SERPINC1: variants seen among roughly 807,000 people sequenced by gnomAD.
The protein encoded by SERPINC1 is antithrombin-III.
A neutral mutation model predicts 43.4 loss-of-function variants in SERPINC1; 12 were observed. The ratio of observed to expected loss-of-function variants is 0.28; its 90% CI spans 0.18 to 0.45. The LOEUF is 0.45. SERPINC1 is among the 20% of genes least tolerant of loss of function. The probability of loss-of-function intolerance (pLI) is 1.00; values close to 1 mark genes in which losing one functional copy is unlikely to be tolerated. For synonymous variants in SERPINC1, 210 were observed against 218.9 expected (o/e 0.96, Z 0.36); for missense variants, 423 against 578.8 (o/e 0.73, Z 2.76).
rs1658004193 is a variant in SERPINC1, at chr1:173,916,675, C to A, written c.41+544G>T. Among the ~76,000 whole-genome samples the A allele has an allele frequency of 2.0e-5, 3 of 152,176 alleles. No individual in the cohort carries two copies. In the South Asian group the frequency reaches 6.2e-4, roughly 32 times the overall value. ...TAAAACCAAGACAGTTGTGCCACCACCCCGTTTCTAGCCTCCTGTGACAAC... is the reference window on the plus strand; with the variant it reads ...TAAAACCAAGACAGTTGTGCCACCAACCCGTTTCTAGCCTCCTGTGACAAC... On this transcript the variant is annotated intron_variant, in intron 1 of 6. Transcript: ENST00000367698.
Position 173,909,769 on chromosome 1 carries a change from G to T in SERPINC1, c.936C>A (p.Thr312=), listed in dbSNP as rs759002598. 6.2e-7 allele frequency: 1 copy of T among 1,614,244 alleles called. No homozygotes were observed. Among genetic ancestry groups the T allele is most frequent in the Non-Finnish European group, 8.5e-7 (1 of 1,180,040 alleles). The change falls in exon 5 of 7, where the codon ACC becomes ACA. Residue 312 remains threonine, a synonymous_variant. Transcript: ENST00000367698. ...CAGGCTTGGGCAAGATGAGGACCAT[G>T]GTGATGTCATCACCTTTGAAGGGCA... ...LELPFKGDDI[T]MVLILPKPEK...
intron 2 of SERPINC1, among the ~76,000 whole-genome samples, chr1:173,914,340 T>G (rs1192332939): frequency 2.6e-5 from 4 of 152,230 alleles, no homozygotes; most frequent in African/African-American, 9.6e-5. Context: ...AAACCAGGAT[T>G]TAAAAAGTAG....
intron 1 of SERPINC1, among the ~76,000 whole-genome samples, chr1:173,916,839 A>C (rs1462210417): frequency 6.6e-6 from 1 of 152,178 alleles, no homozygotes; most frequent in African/African-American, 2.4e-5. Context: ...AGTGGAAGAA[A>C]GAGCAAAAAG....
intron 5 of SERPINC1, among the ~76,000 whole-genome samples, chr1:173,908,808 C>T (rs1657641663): frequency 6.6e-6 from 1 of 152,114 alleles, no homozygotes; most frequent in Non-Finnish European, 1.5e-5. Context: ...GATCCTCCCA[C>T]CTCAGCCTCC....
intron 6 of SERPINC1, among the ~76,000 whole-genome samples, chr1:173,905,868 C>G (rs564608079): frequency 6.6e-6 from 1 of 152,184 alleles, no homozygotes; most frequent in South Asian, 2.1e-4. Context: ...AACTACTCTA[C>G]CTTTGAAATT....
chr1:173,909,940 G>A lies in SERPINC1; in HGVS notation c.765C>T (p.Gly255=). Residue 255 remains glycine, a splice_region_variant and synonymous_variant, in exon 5 of 7, where the codon GGC becomes GGT. Coordinates refer to ENST00000367698, the MANE Select transcript of SERPINC1 (RefSeq NM_000488.4). ...LVLVNTIYFK[G]LWKSKFSPEN... ...CAGGGCTGAACTTTGACTTCCACAG[G>A]CCCTGGAAGAGAATCACAAAGTAAG... is the stretch of plus-strand genomic sequence containing the variant. 2 of 1,614,038 alleles carry A rather than the reference G, an allele frequency of 1.2e-6. No homozygotes were observed. Among genetic ancestry groups the A allele is most frequent in the Non-Finnish European group, 1.7e-6 (2 of 1,179,966 alleles).
chr1:173,911,941 C>A lies in SERPINC1; in HGVS notation c.482G>T (p.Arg161Leu), dbSNP rs121909563. ...IHFFFAKLNC[R>L]LYRKANKSSK... Reference sequence around the variant, plus strand: ...GGATTTGTTGGCTTTTCGATAGAGTCGGCAGTTCAGTTTGGCAAAGAAGAA... The same window carrying A: ...GGATTTGTTGGCTTTTCGATAGAGTAGGCAGTTCAGTTTGGCAAAGAAGAA... The change falls in exon 3 of 7, where the codon CGA (arginine) becomes CTA (leucine). Residue 161 changes from arginine (R) to leucine (L), a missense_variant. Physicochemically the swap from Arg to Leu is moderately radical, Grantham distance 102. Coordinates refer to ENST00000367698, the MANE Select transcript of SERPINC1 (RefSeq NM_000488.4). The A allele has an allele frequency of 3.1e-6, 5 of 1,614,056 alleles. No homozygotes were observed. Among genetic ancestry groups the A allele is most frequent in the Non-Finnish European group, 3.4e-6 (4 of 1,180,024 alleles).
chr1:173,917,186 G>A, intron 1 of SERPINC1, 33 bp downstream of exon 1: 1 of 1,605,868 alleles, frequency 6.2e-7, no homozygotes, highest in Non-Finnish European at 8.5e-7. Context: ...AAACCCAGTA[G>A]GGGCAGGCAA....
intron 3 of SERPINC1, 58 bp downstream of exon 3, chr1:173,911,741 C>A: frequency 1.5e-6 from 2 of 1,367,824 alleles, no homozygotes; most frequent in Non-Finnish European, 2.1e-6. Flanking sequence ...TCTCCACCTC[C>A]TCAATCTCTG....
At chr1:173,910,585 A>C (rs960321713) in intron 4 of SERPINC1, among the ~76,000 whole-genome samples, 169 bp downstream of exon 4, 2 of 152,100 alleles carry the variant, frequency 1.3e-5, no homozygotes, top group Non-Finnish European at 1.5e-5. Flanking sequence ...TGTCAAAAAT[A>C]AATAAATAAA....
At position 173,903,878 on chromosome 1, in the gene SERPINC1, A is replaced by C; in HGVS notation, c.*11T>G. 1 of 1,613,314 alleles carries C rather than the reference A, an allele frequency of 6.2e-7. No homozygotes were observed. On this transcript the variant is annotated 3_prime_UTR_variant, in exon 7 of 7. Transcript: ENST00000367698. Reference sequence around the variant, plus strand: ...CCAAAAATAGGAAGAGGTGCAAAGAATAAGAACATTTTACTTAACACAAGG... The same window carrying C: ...CCAAAAATAGGAAGAGGTGCAAAGACTAAGAACATTTTACTTAACACAAGG...
intron 1 of SERPINC1, among the ~76,000 whole-genome samples, chr1:173,915,873 C>T (rs574138367): frequency 6.6e-6 from 1 of 152,168 alleles, no homozygotes. Flanking sequence ...AATTCTCCCC[C>T]ACAGGCCTGC....
At position 173,915,033 on chromosome 1, in the gene SERPINC1, G is replaced by A. The variant is rs2227598; in HGVS notation, c.42-114C>T. ...TCCAGCCCACCTGGTGTGGCCAAGA[G>A]AAAGGCTAAATCCTTTGAACCAAGT... On this transcript the variant is annotated intron_variant, in intron 1 of 6. Transcript: ENST00000367698. The A allele has an allele frequency of 1.8e-4, 275 of 1,536,634 alleles. No individual in the cohort carries two copies. In the African/African-American group the frequency reaches 3.3e-3, roughly 19 times the overall value.
intron 6 of SERPINC1, 123 bp from the exon 7 acceptor site, chr1:173,904,188 G>A (rs769202893): frequency 7.7e-6 from 7 of 905,168 alleles, no homozygotes; most frequent in Non-Finnish European, 1.2e-5. Context: ...AGTACATTTG[G>A]GTCAGGTTGG....
At chr1:173,907,986 A>ATAATAATAATAATAT (rs1214008337) in intron 5 of SERPINC1, among the ~76,000 whole-genome samples, 3 of 63,740 alleles carry the variant, frequency 4.7e-5, no homozygotes, top group African/African-American at 3.0e-4. Context: ...CATCTCAAAA[A>ATAATAATAATAATAT]TAATAATAAT....
Position 173,909,784 on chromosome 1 carries a change from T to C in SERPINC1, c.921A>G (p.Lys307=), listed in dbSNP as rs1572088607. 1.2e-6 allele frequency: 2 copies of C among 1,614,254 alleles called. No individual in the cohort carries two copies. The highest frequency in any genetic ancestry group is 1.7e-6 in the Non-Finnish European group (2 of 1,180,040). The change falls in exon 5 of 7, where the codon AAA becomes AAG. Residue 307 remains lysine (K), a synonymous_variant. Transcript: ENST00000367698. ...EGTQVLELPF[K]GDDITMVLIL... ...TGAGGACCATGGTGATGTCATCACC[T>C]TTGAAGGGCAACTCAAGCACCTGGG...
At chr1:173,908,546 G>A (rs1229634304) in intron 5 of SERPINC1, among the ~76,000 whole-genome samples, 2 of 145,732 alleles carry the variant, frequency 1.4e-5, no homozygotes, top group East Asian at 2.0e-4. Flanking sequence ...ACTTAACATC[G>A]TAAACTTATT....
At chr1:173,904,727 G>A (rs1426721335) in intron 6 of SERPINC1, among the ~76,000 whole-genome samples, 1 of 152,172 alleles carries the variant, frequency 6.6e-6, no homozygotes, top group East Asian at 1.9e-4. Flanking sequence ...GGAGCTGGTT[G>A]ATGATGTCTT....
rs147676453 is a variant in SERPINC1, at chr1:173,914,862, G to A, written c.99C>T (p.His33=). 6.1e-5 allele frequency: 99 copies of A among 1,614,090 alleles called. No homozygotes were observed. Among genetic ancestry groups the A allele is most frequent in the Middle Eastern group, 1.6e-4 (1 of 6,084 alleles). ...CTGTGCAGATGTCCACAGGGCTCCC[G>A]TGACAGGTCACGCAGTCCCAGAAGC... ...LIGFWDCVTC[H]GSPVDICTAK... The change falls in exon 2 of 7, where the codon CAC becomes CAT. Residue 33 remains histidine, a synonymous_variant. Coordinates refer to ENST00000367698, the MANE Select transcript of SERPINC1 (RefSeq NM_000488.4).
Sources: allele counts gnomAD v4.1 joint callset (sites outside exome capture counted in the v4.1 genomes callset), GRCh38; gene constraint gnomAD v4.1.1; transcripts MANE v1.5; gene names NCBI Gene and HGNC (gene_info 2026-07-23, HGNC 2026-07-21).